Variants in GNA14 observed in about 807,000 individuals in gnomAD.
GNA14 encodes the protein guanine nucleotide-binding protein subunit alpha-14.
GNA14 carries 50 observed loss-of-function variants against 42.0 expected under a neutral mutation model. The ratio of observed to expected loss-of-function variants is 1.19; its 90% CI spans 0.95 to 1.51. GNA14 has a LOEUF of 1.51. Among genes scored for constraint, GNA14 ranks in the 40% most tolerant of loss-of-function variants. The pLI, the probability that GNA14 is intolerant of heterozygous loss-of-function variation, is 0.00. For missense variants in GNA14, 473 were observed against 446.2 expected (o/e 1.06, Z -0.54); for synonymous variants, 173 against 163.1 (o/e 1.06, Z -0.46).
intron 1 of GNA14, among the ~76,000 whole-genome samples, chr9:77,595,608 C>T (rs1147181): frequency 0.62 from 93,650 of 152,024 alleles, 31,411 homozygotes; most frequent in East Asian, 0.82. Context: ...CTGTTGTTCT[C>T]GAAGCAAGAT....
intron 1 of GNA14, among the ~76,000 whole-genome samples, chr9:77,630,619 T>C (rs1169909923): frequency 6.6e-6 from 1 of 152,170 alleles, no homozygotes; most frequent in Non-Finnish European, 1.5e-5. Context: ...TGAAACCTAA[T>C]CAAAGGATTA....
intron 1 of GNA14, among the ~76,000 whole-genome samples, chr9:77,548,074 C>T (rs1837741918): frequency 6.6e-6 from 1 of 152,132 alleles, no homozygotes; most frequent in Admixed American, 6.5e-5. Flanking sequence ...GGAAAAGGTG[C>T]CTGAATCAGT....
chr9:77,641,105 GAAGGAAGGAA>G (rs1564073613), intron 1 of GNA14, among the ~76,000 whole-genome samples: 178 of 4,136 alleles, frequency 0.043, 26 homozygotes, highest in South Asian at 0.11. Context: ...GGGGGGGAAG[GAAGGAAGGAA>G]GGAAGGAAGG....
intron 2 of GNA14, among the ~76,000 whole-genome samples, chr9:77,460,421 G>A (rs147450014): frequency 2.2e-3 from 335 of 152,316 alleles, no homozygotes; most frequent in African/African-American, 7.3e-3. Flanking sequence ...CAGCCCTGCC[G>A]ACACCTTGAT....
intron 2 of GNA14, among the ~76,000 whole-genome samples, chr9:77,444,665 G>A (rs1468156138): frequency 2.6e-5 from 4 of 152,158 alleles, no homozygotes; most frequent in Non-Finnish European, 4.4e-5. Flanking sequence ...CTTCTTCACA[G>A]CTCCAGCAGC....
At chr9:77,627,571 A>G (rs1824029363) in intron 1 of GNA14, among the ~76,000 whole-genome samples, 1 of 152,194 alleles carries the variant, frequency 6.6e-6, no homozygotes, top group African/African-American at 2.4e-5. Flanking sequence ...CATCCCTGGG[A>G]TGCCAGGCTG....
chr9:77,478,833 G>A (rs1215584426), intron 2 of GNA14, among the ~76,000 whole-genome samples: 1 of 152,142 alleles, frequency 6.6e-6, no homozygotes, highest in Non-Finnish European at 1.5e-5. Context: ...CTTTTTTTGA[G>A]AAGTGTCTGT....
chr9:77,520,438 G>C (rs111477751), intron 2 of GNA14, among the ~76,000 whole-genome samples: 1 of 152,138 alleles, frequency 6.6e-6, no homozygotes, highest in Non-Finnish European at 1.5e-5. Flanking sequence ...GAAGGACTTC[G>C]GATCTAACGA....
intron 2 of GNA14, among the ~76,000 whole-genome samples, chr9:77,477,666 C>G (rs919540670): frequency 6.6e-6 from 1 of 152,036 alleles, no homozygotes; most frequent in Admixed American, 6.6e-5. Context: ...CAAAATAAAA[C>G]AGAAAGGAAG....
chr9:77,513,727 A>G (rs965340211), intron 2 of GNA14, among the ~76,000 whole-genome samples: 2 of 152,214 alleles, frequency 1.3e-5, no homozygotes, highest in Non-Finnish European at 2.9e-5. Context: ...TCCCGAACAC[A>G]TGATGACCTT....
chr9:77,626,933 A>C (rs959910281), intron 1 of GNA14, among the ~76,000 whole-genome samples: 2 of 152,316 alleles, frequency 1.3e-5, no homozygotes, highest in South Asian at 4.1e-4. Context: ...TTAAAAAATC[A>C]ATGAACGCAG....
chr9:77,488,879 C>T (rs999915110), intron 2 of GNA14, among the ~76,000 whole-genome samples: 1 of 146,856 alleles, frequency 6.8e-6, no homozygotes, highest in Non-Finnish European at 1.5e-5. Flanking sequence ...AGACATACAT[C>T]ACATGAAACA....
At chr9:77,595,595 G>A (rs971105986) in intron 1 of GNA14, among the ~76,000 whole-genome samples, 6 of 152,092 alleles carry the variant, frequency 3.9e-5, no homozygotes, top group Non-Finnish European at 5.9e-5. Flanking sequence ...ACTCCCTTCC[G>A]AACTGTTGTT....
In GNA14 at chr9:77,596,337, ATTTT is replaced by A. The variant is rs1032269835; in HGVS notation, c.124+51329_124+51332del. 1.8e-4 allele frequency among the ~76,000 whole-genome samples: 27 copies of A among 151,986 alleles called. 1 individual carries two copies. The highest frequency in any genetic ancestry group is 1.1e-3 in the Admixed American group (17 of 15,248). On this transcript the variant is annotated intron_variant, in intron 1 of 6. Transcript: ENST00000341700. ...CAAAGGATGACAGTGTTTTACAGTG[ATTTT>A]TTTTGTTTCTGAAAAGAAACTTGTT... is the stretch of plus-strand genomic sequence containing the variant.
chr9:77,561,906 A>C (rs1822889234), intron 1 of GNA14, among the ~76,000 whole-genome samples: 1 of 152,198 alleles, frequency 6.6e-6, no homozygotes, highest in African/African-American at 2.4e-5. Context: ...TCTACCAGTC[A>C]AATAAGGTAT....
chr9:77,564,362 C>A (rs1822934039), intron 1 of GNA14, among the ~76,000 whole-genome samples: 1 of 151,254 alleles, frequency 6.6e-6, no homozygotes, highest in African/African-American at 2.4e-5. Context: ...GGCTGGAGTG[C>A]AGTGTCAGGC....
intron 1 of GNA14, among the ~76,000 whole-genome samples, chr9:77,559,094 C>CT (rs1395775557): frequency 6.6e-6 from 1 of 152,164 alleles, no homozygotes; most frequent in Non-Finnish European, 1.5e-5. Flanking sequence ...GCTCTCACCA[C>CT]TTTGACATAA....
At chr9:77,519,615 A>C in intron 2 of GNA14, among the ~76,000 whole-genome samples, 1 of 152,008 alleles carries the variant, frequency 6.6e-6, no homozygotes, top group African/African-American at 2.4e-5. Flanking sequence ...ACATGGACAC[A>C]GAGTATGAAA....
At chr9:77,492,329 AAAAT>A (rs1836789058) in intron 2 of GNA14, among the ~76,000 whole-genome samples, 1 of 151,536 alleles carries the variant, frequency 6.6e-6, no homozygotes, top group African/African-American at 2.4e-5. Flanking sequence ...TTTATTTATA[AAAAT>A]AAATACAATT....
Sources: gnomAD v4.1 joint callset for allele counts (sites outside exome capture counted in the v4.1 genomes callset) on GRCh38, gnomAD v4.1.1 for gene constraint, MANE v1.5 for transcripts, NCBI Gene and HGNC (gene_info 2026-07-23, HGNC 2026-07-21) for gene names.